MACROD1: variants seen among roughly 807,000 people sequenced by gnomAD.
The protein encoded by MACROD1 is ADP-ribose glycohydrolase MACROD1.
Under a neutral mutation model 41.4 loss-of-function variants are expected in MACROD1, and 31 were observed. That is an observed-to-expected ratio of 0.75 (90% CI 0.56 to 1.01). The LOEUF (loss-of-function observed/expected upper bound fraction) is 1.01, where lower values mean the gene tolerates loss of function less well. Among genes scored for constraint, MACROD1 ranks in the 50% least tolerant of loss-of-function variants. The probability of loss-of-function intolerance (pLI) is 0.00; values close to 1 mark genes in which losing one functional copy is unlikely to be tolerated. For missense variants in MACROD1, 473 were observed against 460.0 expected (o/e 1.03, Z -0.26); for synonymous variants, 252 against 203.4 (o/e 1.24, Z -2.03).
chr11:64,110,960 G>A (rs572722123), intron 3 of MACROD1, among the ~76,000 whole-genome samples: 1 of 152,214 alleles, frequency 6.6e-6, no homozygotes, highest in African/African-American at 2.4e-5. Context: ...CCTTGGGGAG[G>A]GGGGCGGCAG....
intron 3 of MACROD1, among the ~76,000 whole-genome samples, chr11:64,106,470 T>C (rs1362314577): frequency 1.3e-5 from 2 of 152,196 alleles, no homozygotes; most frequent in Non-Finnish European, 2.9e-5. Context: ...GTCCTAACTA[T>C]AGGAGTTTAC....
chr11:64,073,343 C>T (rs1944142984), intron 3 of MACROD1, among the ~76,000 whole-genome samples: 1 of 152,222 alleles, frequency 6.6e-6, no homozygotes, highest in South Asian at 2.1e-4. Flanking sequence ...CCATGCCCAT[C>T]CTGGCTTTGC....
At chr11:64,063,087 T>C (rs1943934822) in intron 3 of MACROD1, among the ~76,000 whole-genome samples, 1 of 152,146 alleles carries the variant, frequency 6.6e-6, no homozygotes, top group South Asian at 2.1e-4. Flanking sequence ...TTAGTCTCCA[T>C]ATGAGTGGAA....
chr11:64,097,908 A>G (rs974237964), intron 3 of MACROD1, among the ~76,000 whole-genome samples: 2 of 152,032 alleles, frequency 1.3e-5, no homozygotes, highest in Non-Finnish European at 2.9e-5. Context: ...TGCTCCTGGG[A>G]GCACTCAGCT....
chr11:64,139,888 G>A (rs1433480600), intron 3 of MACROD1, among the ~76,000 whole-genome samples: 2 of 150,646 alleles, frequency 1.3e-5, no homozygotes, highest in East Asian at 2.0e-4. Context: ...CCTGGGAGGC[G>A]AAGCTTGCAG....
chr11:64,150,008 C>G (rs915885693), intron 3 of MACROD1, among the ~76,000 whole-genome samples: 2 of 152,250 alleles, frequency 1.3e-5, no homozygotes, highest in Admixed American at 6.5e-5. Flanking sequence ...GCCAGCCACA[C>G]TGAGCAGAAA....
In MACROD1 at chr11:64,120,800, C is replaced by T. The variant is rs634854; in HGVS notation, c.517+30439G>A. On this transcript the variant is annotated intron_variant, in intron 3 of 10. Transcript: ENST00000255681. This position sits in a 1 kb window ranked among gnomAD's most constrained non-coding sequence, Gnocchi z 4.5. ...GTGCCCGAGGTGTGCCACGTTGGCA[C>T]AGGGGACAGAAGTCCCAGGTCTCTG... Among the ~76,000 whole-genome samples the T allele has an allele frequency of 0.53, 80,516 of 151,800 alleles. 24,525 individuals are homozygous for T. Among genetic ancestry groups the T allele is most frequent in the Non-Finnish European group, 0.68 (46,290 of 67,866 alleles).
intron 3 of MACROD1, among the ~76,000 whole-genome samples, chr11:64,099,783 G>A (rs141580120): frequency 6.6e-6 from 1 of 151,764 alleles, no homozygotes; most frequent in African/African-American, 2.4e-5. Flanking sequence ...TAGGTGAATG[G>A]AGAAATGAGA....
chr11:64,067,155 G>T lies in MACROD1; in HGVS notation c.518-51874C>A, dbSNP rs1214478812. 6.6e-6 allele frequency among the ~76,000 whole-genome samples: 1 copy of T among 152,200 alleles called. No homozygotes were observed. On this transcript the variant is annotated intron_variant, in intron 3 of 10. Coordinates refer to ENST00000255681, the MANE Select transcript of MACROD1 (RefSeq NM_014067.4). This position sits in a 1 kb window ranked among gnomAD's most constrained non-coding sequence, Gnocchi z 4.6. ...CCAAGTAGGCAGGGCTGGTGGGGGT[G>T]GGAGGCCGGCCATACCCACCTGTAG...
Position 64,049,962 on chromosome 11 carries a change from C to T in MACROD1, c.518-34681G>A, listed in dbSNP as rs577141133. Among the ~76,000 whole-genome samples the T allele has an allele frequency of 3.9e-5, 6 of 152,298 alleles. No homozygotes were observed. In the East Asian group the frequency reaches 5.8e-4, roughly 15 times the overall value. On this transcript the variant is annotated intron_variant, in intron 3 of 10. Coordinates refer to ENST00000255681, the MANE Select transcript of MACROD1 (RefSeq NM_014067.4). Reference sequence around the variant, plus strand: ...CTCTCTCAGAGCCCTCTTGGCCTAGCGATCGCACAGAGCCAGCCCAGGCCT... The same window carrying T: ...CTCTCTCAGAGCCCTCTTGGCCTAGTGATCGCACAGAGCCAGCCCAGGCCT...
intron 1 of MACROD1, among the ~76,000 whole-genome samples, chr11:64,153,097 G>T (rs1359594088): frequency 6.6e-6 from 1 of 151,746 alleles, no homozygotes; most frequent in Non-Finnish European, 1.5e-5. Flanking sequence ...CAGACTCGGG[G>T]TCCACCCTGG....
chr11:64,141,065 G>A (rs1383652384), intron 3 of MACROD1, among the ~76,000 whole-genome samples: 2 of 152,324 alleles, frequency 1.3e-5, no homozygotes, highest in South Asian at 2.1e-4. Flanking sequence ...AGCCCAGGAG[G>A]TCAAGGCTGC....
At chr11:64,163,982 G>A (rs1407336306) in intron 1 of MACROD1, among the ~76,000 whole-genome samples, 1 of 152,142 alleles carries the variant, frequency 6.6e-6, no homozygotes, top group Non-Finnish European at 1.5e-5. Flanking sequence ...CCTCTTCTCA[G>A]GCCACCACCC....
chr11:64,134,519 G>A (rs2134665299), intron 3 of MACROD1, among the ~76,000 whole-genome samples: 1 of 152,306 alleles, frequency 6.6e-6, no homozygotes, highest in Non-Finnish European at 1.5e-5. Flanking sequence ...GCCCCGCTGA[G>A]ACTTGCTGTG....
intron 1 of MACROD1, among the ~76,000 whole-genome samples, chr11:64,164,565 T>C (rs971372905): frequency 6.6e-6 from 1 of 152,208 alleles, no homozygotes; most frequent in African/African-American, 2.4e-5. Context: ...AAGTTCTCCA[T>C]CTGCTCACGG....
intron 3 of MACROD1, among the ~76,000 whole-genome samples, chr11:64,147,661 T>C (rs189944031): frequency 6.2e-4 from 94 of 152,106 alleles, no homozygotes; most frequent in African/African-American, 2.1e-3. Context: ...TGACCTCAAG[T>C]GATCCGCCTG....
intron 3 of MACROD1, among the ~76,000 whole-genome samples, chr11:64,136,060 C>T (rs933152137): frequency 6.6e-6 from 1 of 152,234 alleles, no homozygotes; most frequent in African/African-American, 2.4e-5. Flanking sequence ...CGGCTGAGCC[C>T]TCTGGGGAAC....
intron 3 of MACROD1, among the ~76,000 whole-genome samples, chr11:64,027,820 C>A (rs1234532495): frequency 6.6e-6 from 1 of 152,206 alleles, no homozygotes; most frequent in African/African-American, 2.4e-5. Flanking sequence ...GTTCCCCTCC[C>A]CCACCACGGA....
At chr11:64,132,951 C>A (rs1018094264) in intron 3 of MACROD1, among the ~76,000 whole-genome samples, 15 of 152,208 alleles carry the variant, frequency 9.9e-5, no homozygotes, top group Admixed American at 9.8e-4. Context: ...GCTCTGGAAC[C>A]AGGTCTGTCC....
Sources: allele counts gnomAD v4.1 joint callset (sites outside exome capture counted in the v4.1 genomes callset), GRCh38; gene constraint gnomAD v4.1.1; non-coding constraint Gnocchi (gnomAD v3.1); transcripts MANE v1.5; gene names NCBI Gene and HGNC (gene_info 2026-07-23, HGNC 2026-07-21).